Variants in TRIB3 observed in about 807,000 individuals in gnomAD.
The protein encoded by TRIB3 is tribbles homolog 3.
In TRIB3, 20 loss-of-function variants were observed where a neutral mutation model predicts 16.6. The ratio of observed to expected loss-of-function variants is 1.20; its 90% CI spans 0.85 to 1.75. The LOEUF is 1.75. Among genes scored for constraint, TRIB3 ranks in the 40% most tolerant of loss-of-function variants. The pLI, the probability that TRIB3 is intolerant of heterozygous loss-of-function variation, is 0.00. For synonymous variants in TRIB3, 208 were observed against 217.0 expected (o/e 0.96, Z 0.36); for missense variants, 484 against 488.9 (o/e 0.99, Z 0.10).
At chr20:386,363 T>A (rs903473587) in intron 1 of TRIB3, among the ~76,000 whole-genome samples, 2 of 152,210 alleles carry the variant, frequency 1.3e-5, no homozygotes, top group African/African-American at 4.8e-5. Flanking sequence ...AGAAACAAGC[T>A]GTGTTTTTAA....
At chr20:390,090 G>A (rs1300136800) in intron 2 of TRIB3, among the ~76,000 whole-genome samples, 1 of 152,162 alleles carries the variant, frequency 6.6e-6, no homozygotes, top group Non-Finnish European at 1.5e-5. Context: ...ACTTTGGGAG[G>A]CCGAGGTAGG....
chr20:394,231 A>C (rs914025084), intron 3 of TRIB3, among the ~76,000 whole-genome samples: 1 of 152,016 alleles, frequency 6.6e-6, no homozygotes, highest in Non-Finnish European at 1.5e-5. Flanking sequence ...GGGTTTTGCC[A>C]TGTTGGCCAG....
At position 396,793 on chromosome 20, in the gene TRIB3, A is replaced by T; in HGVS notation, c.*103A>T. The T allele has an allele frequency of 6.1e-6, 9 of 1,478,890 alleles. No individual in the cohort carries two copies. In the South Asian group the frequency reaches 1.1e-4, roughly 18 times the overall value. 91.6% of individuals were successfully genotyped at this position (1,478,890 alleles called of 1,614,324 possible). A position where few individuals can be genotyped will look rare whatever the true frequency, so the allele number is the denominator to read the frequency against. ...CTGAGCCAAACCTTCAGTGCCTTCCAGAAGGGAGAAAGGCAGAAGCCTGTG... is the reference window on the plus strand; with the variant it reads ...CTGAGCCAAACCTTCAGTGCCTTCCTGAAGGGAGAAAGGCAGAAGCCTGTG... On this transcript the variant is annotated 3_prime_UTR_variant, in exon 4 of 4. Coordinates refer to ENST00000217233, the MANE Select transcript of TRIB3 (RefSeq NM_021158.5).
At chr20:384,665 A>C (rs997900853) in intron 1 of TRIB3, among the ~76,000 whole-genome samples, 3 of 152,072 alleles carry the variant, frequency 2.0e-5, no homozygotes, top group Non-Finnish European at 4.4e-5. Flanking sequence ...CCCAGCCTTC[A>C]ATAGATGTTT....
intron 1 of TRIB3, among the ~76,000 whole-genome samples, chr20:387,679 T>C (rs375636661): frequency 1.3e-5 from 2 of 152,320 alleles, no homozygotes; most frequent in African/African-American, 4.8e-5. Flanking sequence ...TTGTCCTTTT[T>C]CAGGGCTGTG....
Position 396,720 on chromosome 20 carries a change from C to T in TRIB3, c.*30C>T. 6.4e-7 allele frequency: 1 copy of T among 1,571,518 alleles called. No individual in the cohort carries two copies. Among genetic ancestry groups the T allele is most frequent in the South Asian group, 1.2e-5 (1 of 85,396 alleles). ...ACCCTACTACACGCTCAGCTGCCAA[C>T]AGTGGATTGAGTTTGGGGGTAGCTC... On this transcript the variant is annotated 3_prime_UTR_variant, in exon 4 of 4. Coordinates refer to ENST00000217233, the MANE Select transcript of TRIB3 (RefSeq NM_021158.5).
At chr20:385,995 C>G (rs1362088870) in intron 1 of TRIB3, among the ~76,000 whole-genome samples, 6 of 151,372 alleles carry the variant, frequency 4.0e-5, no homozygotes, top group Admixed American at 4.0e-4. Context: ...GTAGCTGGGA[C>G]TACAGGCATC....
rs1460554461 is a variant in TRIB3, at chr20:393,165, C to G, written c.584+1586C>G. The stretch of plus-strand genomic sequence containing the variant: ...CGTAGCTATGGTACAATTACCCAAA[C>G]TATTAACTAAGCCACAGATTGATTC... On this transcript the variant is annotated intron_variant, in intron 3 of 3. Transcript: ENST00000217233. Among the ~76,000 whole-genome samples, 2 of 152,066 alleles carry G rather than the reference C, an allele frequency of 1.3e-5. 1 individual carries two copies. The highest frequency in any genetic ancestry group is 3.8e-4 in the East Asian group (2 of 5,196).
chr20:388,453 T>C (rs2014885465), intron 2 of TRIB3, 152 bp downstream of exon 2: 1 of 1,062,476 alleles, frequency 9.4e-7, no homozygotes, highest in South Asian at 1.7e-5. Context: ...GCTGGACTGA[T>C]ACTAGAGAGG....
At chr20:394,582 C>T (rs1307620628) in intron 3 of TRIB3, among the ~76,000 whole-genome samples, 2 of 151,736 alleles carry the variant, frequency 1.3e-5, no homozygotes, top group Non-Finnish European at 2.9e-5. Flanking sequence ...CCCAGGAGTT[C>T]GAGGCCAGCC....
chr20:394,009 CTTTTTCTTT>C (rs1322457184), intron 3 of TRIB3, among the ~76,000 whole-genome samples: 1 of 150,230 alleles, frequency 6.7e-6, no homozygotes, highest in Non-Finnish European at 1.5e-5. Flanking sequence ...GTCTAATTTT[CTTTTTCTTT>C]TTTTTCTTTC....
intron 1 of TRIB3, among the ~76,000 whole-genome samples, chr20:384,392 T>C (rs751146034): frequency 6.6e-6 from 1 of 151,982 alleles, no homozygotes; most frequent in Non-Finnish European, 1.5e-5. Context: ...TGAGACAGAG[T>C]CTTGCTCTGT....
chr20:391,668 A>G (rs1358942903), intron 3 of TRIB3, 89 bp downstream of exon 3: 1 of 1,487,822 alleles, frequency 6.7e-7, no homozygotes, highest in Non-Finnish European at 9.0e-7. Flanking sequence ...AGGCAAGGTA[A>G]CTTAGGCAAG....
chr20:391,199 T>C (rs2014965315), intron 2 of TRIB3, 88 bp from the exon 3 acceptor site: 1 of 1,417,780 alleles, frequency 7.1e-7, no homozygotes. Flanking sequence ...CACATGGTAG[T>C]GTCTAATAGG....
At chr20:387,922 A>T (rs2014862416) in intron 1 of TRIB3, 89 bp from the exon 2 acceptor site, 4 of 1,464,650 alleles carry the variant, frequency 2.7e-6, no homozygotes, top group Non-Finnish European at 2.8e-6. Flanking sequence ...ACCCCCTATA[A>T]ATGTTGTGCC....
chr20:382,176 G>T (rs1049623571), intron 1 of TRIB3, among the ~76,000 whole-genome samples: 4 of 152,076 alleles, frequency 2.6e-5, no homozygotes, highest in African/African-American at 9.7e-5. Context: ...CATTTCCCTG[G>T]GTCCCGAGTG....
chr20:383,090 G>A (rs916490981), intron 1 of TRIB3, among the ~76,000 whole-genome samples: 6 of 152,156 alleles, frequency 3.9e-5, no homozygotes, highest in Non-Finnish European at 7.3e-5. Flanking sequence ...GAGAGAACCC[G>A]TCTGCCCTGA....
rs140801463 is a variant in TRIB3, at chr20:396,437, G to A, written c.824G>A (p.Arg275His). Residue 275 changes from arginine (R) to histidine (H), a missense_variant, in exon 4 of 4, where the codon CGC becomes CAC. Coordinates refer to ENST00000217233, the MANE Select transcript of TRIB3 (RefSeq NM_021158.5). Reference sequence around the variant, plus strand: ...GTCCTGCTCTTCGGCAAGATCCGCCGCGGGGCCTACGCCTTGCCTGCAGGC... The same window carrying A: ...GTCCTGCTCTTCGGCAAGATCCGCCACGGGGCCTACGCCTTGCCTGCAGGC... ...EPVLLFGKIR[R>H]GAYALPAGLS... 1.1e-4 allele frequency: 175 copies of A among 1,612,770 alleles called. No individual in the cohort carries two copies. The highest frequency in any genetic ancestry group is 1.7e-4 in the Middle Eastern group (1 of 6,060).
chr20:390,967 G>A (rs915535247), intron 2 of TRIB3, among the ~76,000 whole-genome samples: 3 of 134,772 alleles, frequency 2.2e-5, no homozygotes, highest in Non-Finnish European at 4.5e-5. Context: ...GCGCCAGTGT[G>A]CTCCAGCCTG....
Sources: allele counts gnomAD v4.1 joint callset (sites outside exome capture counted in the v4.1 genomes callset), GRCh38; gene constraint gnomAD v4.1.1; transcripts MANE v1.5; gene names NCBI Gene and HGNC (gene_info 2026-07-23, HGNC 2026-07-21).